ADAMTS7: variants seen among roughly 807,000 people sequenced by gnomAD.
The protein encoded by ADAMTS7 is A disintegrin and metalloproteinase with thrombospondin motifs 7.
Under a neutral mutation model 172.6 loss-of-function variants are expected in ADAMTS7, and 89 were observed. The ratio of observed to expected loss-of-function variants is 0.52; its 90% CI spans 0.43 to 0.61. The LOEUF (loss-of-function observed/expected upper bound fraction) is 0.61. Ranked by LOEUF, ADAMTS7 falls within the 20% of genes least tolerant of loss-of-function variation. ADAMTS7 has a pLI of 0.00. For missense variants in ADAMTS7, 1,973 were observed against 2,355.6 expected, an observed-to-expected ratio of 0.84 and a Z score of 3.36; for synonymous variants, 885 against 978.4, an observed-to-expected ratio of 0.90 and a Z score of 1.78.
chr15:78,761,191 A>G (rs1216795824), intron 23 of ADAMTS7, among the ~76,000 whole-genome samples: 1 of 152,242 alleles, frequency 6.6e-6, no homozygotes, highest in African/African-American at 2.4e-5. Flanking sequence ...GAGGCATGGC[A>G]GGGGCCACTC....
intron 13 of ADAMTS7, 128 bp from the exon 14 acceptor site, chr15:78,773,331 G>A: frequency 1.0e-5 from 8 of 772,716 alleles, no homozygotes; most frequent in East Asian, 5.4e-5. Flanking sequence ...CTCTGGCCCT[G>A]CCCCACCTCA....
rs753612826 is a variant in ADAMTS7 at position 78,800,232 on chromosome 15, A to C, written c.416T>G (p.Leu139Arg). ...GCTGATGGCCGCCAGGCCACCCTCG[A>C]GCTCAGGGTCCTGCACCTCGCCAAG... is the stretch of plus-strand genomic sequence containing the variant. ...HLLGEVQDPE[L>R]EGGLAAISAC... The change falls in exon 2 of 24, where the codon CTC becomes CGC. Residue 139 changes from leucine to arginine, a missense_variant. This residue lies in a region of ADAMTS7 where 306 missense variants were observed against 288.0 expected (regional missense o/e 1.06). Coordinates refer to ENST00000388820, the MANE Select transcript of ADAMTS7 (RefSeq NM_014272.5). The C allele has an allele frequency of 1.9e-5, 30 of 1,594,874 alleles. No homozygotes were observed. Among genetic ancestry groups the C allele is most frequent in the Non-Finnish European group, 2.5e-5 (29 of 1,178,776 alleles).
Position 78,792,815 on chromosome 15 carries a change from A to AAAAG in ADAMTS7, c.820-1596_820-1593dup, listed in dbSNP as rs551751878. Among the ~76,000 whole-genome samples the AAAAG allele has an allele frequency of 9.9e-3, 1,511 of 152,126 alleles. 16 individuals carry two copies. Among genetic ancestry groups the AAAAG allele is most frequent in the African/African-American group, 0.028 (1,155 of 41,514 alleles). ...GGCGACAGAGCAAGACTCCATCTCC[A>AAAAG]AAAGAAAGAAAGAAAGAAAGAGAGA... On this transcript the variant is annotated intron_variant, in intron 4 of 23. Transcript: ENST00000388820.
chr15:78,766,666 T>C lies in ADAMTS7; in HGVS notation c.3245A>G (p.Glu1082Gly). Reference protein sequence around the residue: ...FHEDLSYGPSEEPDLDLAGTG... With the variant: ...FHEDLSYGPSGEPDLDLAGTG... ...CCCCGCCAGGTCTAGATCGGGCTCCTCAGAGGGCCCGTAGGACAGATCCTC... is the reference window on the plus strand; with the variant it reads ...CCCCGCCAGGTCTAGATCGGGCTCCCCAGAGGGCCCGTAGGACAGATCCTC... The change falls in exon 19 of 24, where the codon GAG becomes GGG. Residue 1082 changes from glutamate to glycine, a missense_variant. Transcript: ENST00000388820. The C allele has an allele frequency of 6.2e-7, 1 of 1,610,862 alleles. No individual in the cohort carries two copies. The highest frequency in any genetic ancestry group is 1.7e-5 in the Admixed American group (1 of 60,006).
Position 78,766,855 on chromosome 15 carries a change from G to T in ADAMTS7, c.3056C>A (p.Ala1019Asp), listed in dbSNP as rs2055164461. The T allele has an allele frequency of 6.2e-7, 1 of 1,609,932 alleles. No individual in the cohort carries two copies. The highest frequency in any genetic ancestry group is 1.1e-5 in the South Asian group (1 of 90,926). The part of the protein sequence containing the change: ...GSSSHELFNE[A>D]DFIPHHLAPR... ...GGCCAGGTGGTGCGGGATGAAGTCA[G>T]CCTCGTTGAAGAGCTCGTGGCTGGA... Residue 1019 changes from alanine to aspartate, a missense_variant, in exon 19 of 24, where the codon GCT (alanine) becomes GAT (aspartate). Transcript: ENST00000388820.
chr15:78,768,939 G>A (rs950746378), intron 16 of ADAMTS7, among the ~76,000 whole-genome samples: 3 of 152,192 alleles, frequency 2.0e-5, no homozygotes, highest in Non-Finnish European at 2.9e-5. Context: ...TGGGTGATGA[G>A]GCGGGTGAAG....
chr15:78,778,662 C>A (rs2055387492), intron 8 of ADAMTS7, among the ~76,000 whole-genome samples: 1 of 152,128 alleles, frequency 6.6e-6, no homozygotes, highest in Non-Finnish European at 1.5e-5. Flanking sequence ...GAGGCAGGAC[C>A]CGCGGGACCT....
chr15:78,803,693 T>C (rs759513708), intron 1 of ADAMTS7, among the ~76,000 whole-genome samples: 4 of 152,214 alleles, frequency 2.6e-5, no homozygotes, highest in Non-Finnish European at 5.9e-5. Context: ...CCTCTAGTGA[T>C]CCACTCACCT....
intron 1 of ADAMTS7, among the ~76,000 whole-genome samples, chr15:78,802,932 G>A (rs2055744567): frequency 1.3e-5 from 2 of 152,116 alleles, no homozygotes; most frequent in Non-Finnish European, 2.9e-5. Flanking sequence ...GGGAGGTGGA[G>A]GTTGTAGTGA....
chr15:78,806,091 AACACACACACAC>A (rs1216857182), intron 1 of ADAMTS7, among the ~76,000 whole-genome samples: 6 of 27,432 alleles, frequency 2.2e-4, no homozygotes, highest in African/African-American at 5.9e-4. Context: ...CCCCCCCAAA[AACACACACACAC>A]ACACACACAC....
intron 1 of ADAMTS7, among the ~76,000 whole-genome samples, chr15:78,806,630 G>C (rs1347270021): frequency 6.6e-6 from 1 of 152,072 alleles, no homozygotes; most frequent in African/African-American, 2.4e-5. Context: ...GGGAGCCCAG[G>C]TCAAGGAGAC....
intron 8 of ADAMTS7, among the ~76,000 whole-genome samples, 171 bp downstream of exon 8, chr15:78,788,060 C>T (rs73462910): frequency 0.02 from 3,040 of 152,260 alleles, 88 homozygotes; most frequent in African/African-American, 0.069. Context: ...TCTACCCTGG[C>T]CCTGCAGTGT....
chr15:78,761,788 G>A (rs2055048044), intron 23 of ADAMTS7: 2 of 961,406 alleles, frequency 2.1e-6, no homozygotes, highest in East Asian at 1.2e-4. Context: ...TGGAGGCGGC[G>A]GCAGGGGTGT....
chr15:78,768,993 G>A (rs1425969861), intron 16 of ADAMTS7, among the ~76,000 whole-genome samples: 3 of 152,202 alleles, frequency 2.0e-5, no homozygotes, highest in Admixed American at 2.0e-4. Context: ...CCTCATTGAA[G>A]AGCTCGTGGC....
At chr15:78,774,012 G>C (rs1336771626) in intron 13 of ADAMTS7, among the ~76,000 whole-genome samples, 155 bp downstream of exon 13, 1 of 152,180 alleles carries the variant, frequency 6.6e-6, no homozygotes, top group Non-Finnish European at 1.5e-5. Context: ...AGCATGGGGA[G>C]GGTGGCCCGA....
chr15:78,763,590 A>T lies in ADAMTS7; in HGVS notation c.4740+109T>A, dbSNP rs1037819442. The T allele has an allele frequency of 6.5e-6, 9 of 1,374,446 alleles. No homozygotes were observed. The African/African-American group carries it at 1.3e-4, about 20-fold the overall frequency. The allele number at this position is 1,374,446 out of a possible 1,614,324, so 85.1% of individuals were successfully genotyped here. On this transcript the variant is annotated intron_variant, in intron 22 of 23. Transcript: ENST00000388820. The stretch of plus-strand genomic sequence containing the variant: ...CGGGGCCTCGTCCAGTGACAGGGCC[A>T]CAAAGAGCCTGGCTCACAGCACACA...
Position 78,771,615 on chromosome 15 carries a change from C to A in ADAMTS7, c.2346G>T (p.Pro782=), listed in dbSNP as rs747613882. ...RRGNWENLTS[P]GPTKEPVWIQ... The stretch of plus-strand genomic sequence containing the variant: ...TCCAGACAGGCTCCTTGGTGGGACC[C>A]GGGGACGTGAGGTTCTCCCAGTTGC... Residue 782 remains proline, a synonymous_variant, in exon 15 of 24, where the codon CCG becomes CCT. Coordinates refer to ENST00000388820, the MANE Select transcript of ADAMTS7 (RefSeq NM_014272.5). The surrounding 1 kb of genome is among the most constrained non-coding windows in gnomAD (Gnocchi z 4.9). The A allele has an allele frequency of 6.2e-6, 10 of 1,600,624 alleles. No individual in the cohort carries two copies. Among genetic ancestry groups the A allele is most frequent in the Non-Finnish European group, 8.5e-6 (10 of 1,179,120 alleles).
chr15:78,764,276 G>A (rs988718936), intron 20 of ADAMTS7, among the ~76,000 whole-genome samples, 177 bp from the exon 21 acceptor site: 17 of 150,818 alleles, frequency 1.1e-4, no homozygotes, highest in African/African-American at 3.2e-4. Context: ...GCATGGCCAG[G>A]GGCTGCCACG....
At chr15:78,767,656 AG>A (rs547397485) in intron 17 of ADAMTS7, 64 bp from the exon 18 acceptor site, 11 of 1,434,652 alleles carry the variant, frequency 7.7e-6, no homozygotes, top group East Asian at 2.5e-5. Flanking sequence ...GCTCACCAGC[AG>A]GGGGGGCCAG....
Sources: gnomAD v4.1 joint callset for allele counts (sites outside exome capture counted in the v4.1 genomes callset) on GRCh38, gnomAD v4.1.1 for gene constraint, gnomAD v4.1.1 regional missense constraint, Gnocchi (gnomAD v3.1) non-coding constraint, MANE v1.5 for transcripts, NCBI Gene and HGNC (gene_info 2026-07-23, HGNC 2026-07-21) for gene names.